Variants in NR2C2 observed in about 807,000 individuals in gnomAD.
The protein encoded by NR2C2 is nuclear receptor subfamily 2 group C member 2.
A neutral mutation model predicts 62.9 loss-of-function variants in NR2C2; 6 were observed. The ratio of observed to expected loss-of-function variants is 0.10; its 90% CI spans 0.05 to 0.19. The LOEUF (loss-of-function observed/expected upper bound fraction) is 0.19, where lower values mean the gene tolerates loss of function less well. NR2C2 is among the 10% of genes least tolerant of loss of function. The pLI, the probability that NR2C2 is intolerant of heterozygous loss-of-function variation, is 1.00. For missense variants in NR2C2, 479 were observed against 762.7 expected (o/e 0.63, Z 4.38); for synonymous variants, 272 against 273.8 (o/e 0.99, Z 0.07).
chr3:14,993,745 A>T (rs559293466), intron 1 of NR2C2, among the ~76,000 whole-genome samples: 25 of 152,108 alleles, frequency 1.6e-4, no homozygotes, highest in Non-Finnish European at 2.9e-4. Flanking sequence ...CACTCAATCT[A>T]AATTTATTAC....
intron 2 of NR2C2, among the ~76,000 whole-genome samples, chr3:15,011,510 G>GT (rs1199622533): frequency 1.3e-5 from 2 of 152,068 alleles, no homozygotes; most frequent in Admixed American, 6.6e-5. Flanking sequence ...GGGTAGGAAA[G>GT]TTTTTTTTAA....
intron 1 of NR2C2, among the ~76,000 whole-genome samples, chr3:14,951,695 A>G (rs2039364142): frequency 6.6e-6 from 1 of 152,112 alleles, no homozygotes; most frequent in Non-Finnish European, 1.5e-5. Flanking sequence ...TTTTATAGAA[A>G]ATCCCTGTGC....
chr3:14,957,970 T>A (rs941214244), intron 1 of NR2C2, among the ~76,000 whole-genome samples: 1 of 152,144 alleles, frequency 6.6e-6, no homozygotes, highest in African/African-American at 2.4e-5. Context: ...ACCTGCCAGT[T>A]TTGTATGAGC....
rs1044420273 is a variant in NR2C2, at chr3:15,048,512, T to C, written c.*5504T>C. The C allele has an allele frequency of 3.3e-5, 5 of 152,400 alleles. No individual in the cohort carries two copies. The highest frequency in any genetic ancestry group is 9.7e-5 in the African/African-American group (4 of 41,402). 9.4% of individuals were successfully genotyped at this position (152,400 alleles called of 1,614,324 possible). ...TGTCTTGATATTTATACATGCAAAA[T>C]AGAAAAAAAATGTTCAACATTTATT... On this transcript the variant is annotated 3_prime_UTR_variant, in exon 14 of 14. Transcript: ENST00000425241.
At chr3:15,003,046 A>G (rs766451884) in intron 1 of NR2C2, among the ~76,000 whole-genome samples, 1 of 151,252 alleles carries the variant, frequency 6.6e-6, no homozygotes, top group African/African-American at 2.4e-5. Context: ...CCCTGGTTCA[A>G]GCGATTCTCC....
chr3:15,045,992 C>A lies in NR2C2; in HGVS notation c.*2984C>A, dbSNP rs972489988. On this transcript the variant is annotated 3_prime_UTR_variant, in exon 14 of 14. Transcript: ENST00000425241. ...GATAGATGTTGAAAATGGTGGAGATCATTACACATTAGCATAAAACAGGAC... is the reference window on the plus strand; with the variant it reads ...GATAGATGTTGAAAATGGTGGAGATAATTACACATTAGCATAAAACAGGAC... The A allele has an allele frequency of 6.6e-6, 1 of 152,212 alleles. No individual in the cohort carries two copies. The highest frequency in any genetic ancestry group is 1.5e-5 in the Non-Finnish European group (1 of 68,038). 9.4% of individuals were successfully genotyped at this position (152,212 alleles called of 1,614,324 possible).
At chr3:14,990,283 T>A (rs1200086856) in intron 1 of NR2C2, among the ~76,000 whole-genome samples, 1 of 152,184 alleles carries the variant, frequency 6.6e-6, no homozygotes, top group Non-Finnish European at 1.5e-5. Flanking sequence ...GGAAAGGTGA[T>A]CTTTAAGGGG....
At chr3:15,010,409 C>T (rs894891480) in intron 2 of NR2C2, among the ~76,000 whole-genome samples, 5 of 151,524 alleles carry the variant, frequency 3.3e-5, no homozygotes, top group African/African-American at 1.2e-4. Context: ...AAGCGTGAGT[C>T]TTTGAGAAAA....
intron 1 of NR2C2, among the ~76,000 whole-genome samples, chr3:15,002,261 GTTTA>G (rs1404320886): frequency 3.9e-5 from 6 of 152,090 alleles, no homozygotes; most frequent in Admixed American, 2.6e-4. Context: ...TTTATATCTC[GTTTA>G]TTGAGTGTTT....
At chr3:14,976,739 G>T (rs1257763767) in intron 1 of NR2C2, among the ~76,000 whole-genome samples, 1 of 150,028 alleles carries the variant, frequency 6.7e-6, no homozygotes, top group Non-Finnish European at 1.5e-5. Flanking sequence ...TTGATAGTTT[G>T]ATGAGGAATA....
chr3:15,017,434 G>A (rs1039721224), intron 4 of NR2C2, among the ~76,000 whole-genome samples: 3 of 152,174 alleles, frequency 2.0e-5, no homozygotes, highest in African/African-American at 7.2e-5. Flanking sequence ...CCATCAGAAT[G>A]TCAGAGCAAA....
At chr3:14,979,422 C>T (rs972260434) in intron 1 of NR2C2, among the ~76,000 whole-genome samples, 4 of 152,070 alleles carry the variant, frequency 2.6e-5, no homozygotes, top group South Asian at 2.1e-4. Flanking sequence ...ATATTCTGTT[C>T]GCATGAAGCT....
chr3:15,034,564 C>T, intron 10 of NR2C2, 106 bp from the exon 11 acceptor site: 1 of 1,162,916 alleles, frequency 8.6e-7, no homozygotes, highest in Non-Finnish European at 1.2e-6. Context: ...TAAACACTTG[C>T]TGAATTCACC....
intron 1 of NR2C2, among the ~76,000 whole-genome samples, chr3:14,995,147 C>T (rs73033961): frequency 2.0e-3 from 305 of 151,136 alleles, no homozygotes; most frequent in Non-Finnish European, 3.9e-3. Context: ...CACAGACACA[C>T]GCCATCACGC....
chr3:14,992,825 CA>C (rs1308244930), intron 1 of NR2C2, among the ~76,000 whole-genome samples: 1 of 152,230 alleles, frequency 6.6e-6, no homozygotes, highest in Non-Finnish European at 1.5e-5. Context: ...AAAGATATTT[CA>C]CACCCAGCTT....
intron 12 of NR2C2, chr3:15,038,893 C>G (rs1159130612): frequency 1.9e-6 from 1 of 515,062 alleles, no homozygotes; most frequent in Non-Finnish European, 3.5e-6. Flanking sequence ...TGGGGCTGTT[C>G]AGACTGGGAT....
intron 12 of NR2C2, chr3:15,038,362 G>A: frequency 4.8e-6 from 2 of 414,170 alleles, no homozygotes; most frequent in South Asian, 9.3e-5. Flanking sequence ...GTCACGCACT[G>A]AATAGATTTA....
At chr3:14,997,994 G>A in intron 1 of NR2C2, among the ~76,000 whole-genome samples, 1 of 152,030 alleles carries the variant, frequency 6.6e-6, no homozygotes, top group East Asian at 1.9e-4. Context: ...TCTACTTTCT[G>A]TCCCCATGGA....
intron 1 of NR2C2, among the ~76,000 whole-genome samples, chr3:14,982,960 TTTTTTAA>T (rs761857262): frequency 1.2e-4 from 18 of 152,218 alleles, no homozygotes; most frequent in Non-Finnish European, 2.4e-4. Flanking sequence ...TTTTAAAAAT[TTTTTTAA>T]TTTTTAATTT....
Sources: allele counts gnomAD v4.1 joint callset (sites outside exome capture counted in the v4.1 genomes callset), GRCh38; gene constraint gnomAD v4.1.1; transcripts MANE v1.5; gene names NCBI Gene and HGNC (gene_info 2026-07-23, HGNC 2026-07-21).